MAP7: variants seen among roughly 807,000 people sequenced by gnomAD.
MAP7 encodes microtubule associated protein 7, also known as ensconsin.
Under a neutral mutation model 94.8 loss-of-function variants are expected in MAP7, and 52 were observed. The ratio of observed to expected loss-of-function variants is 0.55; its 90% CI spans 0.44 to 0.69. The LOEUF (loss-of-function observed/expected upper bound fraction) is 0.69, where lower values mean the gene tolerates loss of function less well. Among genes scored for constraint, MAP7 ranks in the 30% least tolerant of loss-of-function variants. The pLI is 0.00. For missense variants in MAP7, 940 were observed against 964.6 expected (o/e 0.97, Z 0.34); for synonymous variants, 350 against 357.0 (o/e 0.98, Z 0.22).
chr6:136,351,321 A>C (rs1332891554), intron 16 of MAP7, among the ~76,000 whole-genome samples: 1 of 152,198 alleles, frequency 6.6e-6, no homozygotes, highest in African/African-American at 2.4e-5. Context: ...ACAAACCAAA[A>C]GCATTATTTT....
At chr6:136,480,033 C>A (rs538409213) in intron 1 of MAP7, among the ~76,000 whole-genome samples, 1 of 152,186 alleles carries the variant, frequency 6.6e-6, no homozygotes, top group South Asian at 2.1e-4. Flanking sequence ...CCCCAATAAC[C>A]AAAGCTATCC....
chr6:136,431,605 C>T (rs1337585681), intron 1 of MAP7, among the ~76,000 whole-genome samples: 2 of 151,978 alleles, frequency 1.3e-5, no homozygotes, highest in Non-Finnish European at 1.5e-5. Flanking sequence ...GTAACCTCTG[C>T]CTCCTGGATT....
chr6:136,413,782 T>C (rs1788289930), intron 2 of MAP7, among the ~76,000 whole-genome samples: 1 of 152,088 alleles, frequency 6.6e-6, no homozygotes, highest in Non-Finnish European at 1.5e-5. Context: ...CAGCTAATTT[T>C]TGTATTTTTT....
intron 2 of MAP7, among the ~76,000 whole-genome samples, chr6:136,412,713 A>C (rs1252483137): frequency 1.3e-5 from 2 of 152,198 alleles, no homozygotes; most frequent in Non-Finnish European, 2.9e-5. Flanking sequence ...ACTTTGCATT[A>C]TACTCTGAGT....
intron 1 of MAP7, among the ~76,000 whole-genome samples, chr6:136,434,559 CCTTTT>C (rs1487059240): frequency 2.2e-4 from 34 of 151,432 alleles, no homozygotes; most frequent in African/African-American, 8.0e-4. Flanking sequence ...AAAACATGTT[CCTTTT>C]ATTTTTTTAA....
chr6:136,497,014 A>G (rs1818456696), intron 1 of MAP7, among the ~76,000 whole-genome samples: 1 of 151,978 alleles, frequency 6.6e-6, no homozygotes, highest in African/African-American at 2.4e-5. Flanking sequence ...CCTATAACGT[A>G]AAGTACTGCT....
chr6:136,485,772 C>T (rs1212409894), intron 1 of MAP7, among the ~76,000 whole-genome samples: 5 of 151,748 alleles, frequency 3.3e-5, no homozygotes, highest in African/African-American at 1.2e-4. Context: ...CCATTTTAAC[C>T]GGGATGGTCT....
At chr6:136,532,591 G>C (rs1381861960) in intron 1 of MAP7, among the ~76,000 whole-genome samples, 1 of 151,710 alleles carries the variant, frequency 6.6e-6, no homozygotes, top group African/African-American at 2.4e-5. Context: ...TTGGAATGAT[G>C]ATGTTGGATT....
At chr6:136,511,912 A>T (rs556177656) in intron 1 of MAP7, among the ~76,000 whole-genome samples, 2 of 152,362 alleles carry the variant, frequency 1.3e-5, no homozygotes, top group South Asian at 4.1e-4. Context: ...TCAAGGAAAA[A>T]TGATGGTAGA....
intron 2 of MAP7, among the ~76,000 whole-genome samples, chr6:136,419,107 A>G (rs1790440553): frequency 6.6e-6 from 1 of 152,204 alleles, no homozygotes; most frequent in Admixed American, 6.5e-5. Context: ...TCTGATCTCT[A>G]TACACTGTGT....
intron 1 of MAP7, among the ~76,000 whole-genome samples, chr6:136,454,086 C>T (rs1342675908): frequency 6.6e-6 from 1 of 152,098 alleles, no homozygotes; most frequent in Non-Finnish European, 1.5e-5. Flanking sequence ...GAACATAGAG[C>T]TCAGAGGCTC....
chr6:136,443,156 A>G (rs1339963118), intron 1 of MAP7, among the ~76,000 whole-genome samples: 2 of 152,218 alleles, frequency 1.3e-5, no homozygotes, highest in Non-Finnish European at 2.9e-5. Context: ...CAAAGTAATC[A>G]GTTCAAACCA....
chr6:136,402,905 C>CAAAAAAAAAAAAAA (rs57114676), intron 3 of MAP7, among the ~76,000 whole-genome samples: 6 of 67,396 alleles, frequency 8.9e-5, no homozygotes, highest in African/African-American at 1.2e-4. Flanking sequence ...GACTCTGTCT[C>CAAAAAAAAAAAAAA]AAAAAAAAAA....
At chr6:136,524,934 C>T (rs968568704) in intron 1 of MAP7, among the ~76,000 whole-genome samples, 9 of 152,186 alleles carry the variant, frequency 5.9e-5, no homozygotes, top group African/African-American at 2.2e-4. Context: ...AAACTCATAA[C>T]CCATCTGTTT....
intron 1 of MAP7, among the ~76,000 whole-genome samples, chr6:136,458,096 C>G (rs1035407178): frequency 6.6e-6 from 1 of 151,980 alleles, no homozygotes; most frequent in African/African-American, 2.4e-5. Flanking sequence ...TAAAGGATAC[C>G]AAATCAACAT....
At chr6:136,509,999 C>T (rs531977511) in intron 1 of MAP7, among the ~76,000 whole-genome samples, 1 of 152,228 alleles carries the variant, frequency 6.6e-6, no homozygotes, top group Non-Finnish European at 1.5e-5. Context: ...GTCAGGAGTT[C>T]GAGACCAGCC....
intron 12 of MAP7, 77 bp from the exon 13 acceptor site, chr6:136,360,875 G>C: frequency 6.4e-7 from 1 of 1,566,772 alleles, no homozygotes; most frequent in Non-Finnish European, 8.7e-7. Context: ...CCCAGAGGTG[G>C]GGGCGAGGTG....
At chr6:136,519,941 G>C (rs1053064630) in intron 1 of MAP7, among the ~76,000 whole-genome samples, 1 of 152,088 alleles carries the variant, frequency 6.6e-6, no homozygotes, top group African/African-American at 2.4e-5. Flanking sequence ...GCTCACTCCT[G>C]CAATCCCAGC....
intron 6 of MAP7, among the ~76,000 whole-genome samples, chr6:136,379,560 G>A (rs1279836830): frequency 1.3e-5 from 2 of 152,098 alleles, no homozygotes; most frequent in Non-Finnish European, 2.9e-5. Context: ...AAAATCAGTG[G>A]GGAAAAGGTG....
Sources: gnomAD v4.1 joint callset for allele counts (sites outside exome capture counted in the v4.1 genomes callset) on GRCh38, gnomAD v4.1.1 for gene constraint, MANE v1.5 for transcripts, NCBI Gene and HGNC (gene_info 2026-07-23, HGNC 2026-07-21) for gene names.